RASEF: variants seen among roughly 807,000 people sequenced by gnomAD.
RASEF encodes RAS and EF-hand domain containing.
RASEF carries 68 observed loss-of-function variants against 90.1 expected under a neutral mutation model. The observed-to-expected ratio is 0.75, with a 90% CI of 0.62 to 0.92. The LOEUF is 0.92. Ranked by LOEUF, RASEF falls within the 40% of genes least tolerant of loss-of-function variation. The pLI, the probability that RASEF is intolerant of heterozygous loss-of-function variation, is 0.00. For missense variants in RASEF, 949 were observed against 937.2 expected (o/e 1.01, Z -0.16); for synonymous variants, 331 against 345.2 (o/e 0.96, Z 0.46).
chr9:83,148,236 A>G, the RASEF span, among the ~76,000 whole-genome samples: 2 of 152,170 alleles, frequency 1.3e-5, no homozygotes, highest in South Asian at 4.1e-4. Context: ...ATGTCTAATC[A>G]GATATTAAAA....
At chr9:83,203,729 G>C in the RASEF span, among the ~76,000 whole-genome samples, 1 of 152,122 alleles carries the variant, frequency 6.6e-6, no homozygotes, top group Non-Finnish European at 1.5e-5. Flanking sequence ...TATCACTTAA[G>C]TAAGTGAGGA....
In RASEF at chr9:82,979,672, C is replaced by T. The variant is rs559685861; in HGVS notation, c.*3005G>A. The T allele has an allele frequency of 4.6e-5, 7 of 152,228 alleles. No individual in the cohort carries two copies. The highest frequency in any genetic ancestry group is 2.0e-4 in the Admixed American group (3 of 15,294). The allele number at this position is 152,228 out of a possible 1,614,324, so 9.4% of individuals were successfully genotyped here. On this transcript the variant is annotated 3_prime_UTR_variant, in exon 17 of 17. Transcript: ENST00000376447. ...GACATTTGCATTGCTATAAAAATTA[C>T]ACTTTATGGTATAATTATTAAGGTT...
chr9:83,142,755 G>C, the RASEF span, among the ~76,000 whole-genome samples: 3 of 152,062 alleles, frequency 2.0e-5, no homozygotes, highest in Non-Finnish European at 2.9e-5. Context: ...GAGAAATCAG[G>C]TATCTCTATT....
chr9:83,017,735 A>G (rs1177217494), intron 3 of RASEF, among the ~76,000 whole-genome samples: 2 of 152,248 alleles, frequency 1.3e-5, no homozygotes, highest in Admixed American at 1.3e-4. Context: ...ACGCCAAAAT[A>G]AGACAAAAGC....
chr9:83,190,935 C>T, the RASEF span, among the ~76,000 whole-genome samples: 15 of 152,256 alleles, frequency 9.9e-5, no homozygotes, highest in Admixed American at 5.9e-4. Context: ...CTTTTGGAAA[C>T]GCTAGGATTA....
At chr9:83,100,106 A>T in the RASEF span, among the ~76,000 whole-genome samples, 1 of 152,190 alleles carries the variant, frequency 6.6e-6, no homozygotes, top group Admixed American at 6.5e-5. Context: ...TTTGAGTGAA[A>T]ACAGACTAAG....
the RASEF span, among the ~76,000 whole-genome samples, chr9:83,211,997 G>A: frequency 1.4e-4 from 22 of 152,086 alleles, no homozygotes; most frequent in Admixed American, 1.4e-3. Flanking sequence ...CCAGAAACTA[G>A]TACTTGAATT....
the RASEF span, among the ~76,000 whole-genome samples, chr9:83,086,277 A>T: frequency 3.9e-5 from 6 of 152,076 alleles, no homozygotes; most frequent in South Asian, 8.3e-4. Context: ...TCGTAGATTC[A>T]TTTTTTTTAT....
the RASEF span, among the ~76,000 whole-genome samples, chr9:83,070,684 A>G: frequency 3.9e-5 from 6 of 152,278 alleles, no homozygotes; most frequent in East Asian, 5.8e-4. Flanking sequence ...TTCTGTAGAT[A>G]TCATGATTGT....
At chr9:83,086,323 A>G in the RASEF span, among the ~76,000 whole-genome samples, 1 of 152,206 alleles carries the variant, frequency 6.6e-6, no homozygotes, top group African/African-American at 2.4e-5. Context: ...CATATTTGTT[A>G]AAATAAATAT....
chr9:83,121,250 C>T, the RASEF span, among the ~76,000 whole-genome samples: 2 of 152,018 alleles, frequency 1.3e-5, no homozygotes, highest in African/African-American at 4.8e-5. Flanking sequence ...TAATAATACA[C>T]ACGTAAGTAT....
intron 1 of RASEF, among the ~76,000 whole-genome samples, chr9:83,030,998 C>T (rs1010174791): frequency 2.6e-5 from 4 of 152,142 alleles, no homozygotes; most frequent in Admixed American, 6.6e-5. Flanking sequence ...GGCTAAGCCT[C>T]GTGATAGAAT....
rs188744531 is a variant in RASEF at position 83,022,824 on chromosome 9, T to A, written c.579-398A>T. Among the ~76,000 whole-genome samples the A allele has an allele frequency of 2.0e-3, 310 of 152,280 alleles. 1 individual carries two copies. Among genetic ancestry groups the A allele is most frequent in the Non-Finnish European group, 3.0e-3 (201 of 68,020 alleles). The stretch of plus-strand genomic sequence containing the variant: ...AACAGCATGGGACTGTACTGAATAC[T>A]GGAAGTAACTGTAACACAATGGTAT... On this transcript the variant is annotated intron_variant, in intron 2 of 16. Transcript: ENST00000376447.
intron 1 of RASEF, among the ~76,000 whole-genome samples, chr9:83,058,060 C>T (rs1830132268): frequency 6.6e-6 from 1 of 150,622 alleles, no homozygotes. Context: ...GTCTCTCTTC[C>T]TTTCCCCTCC....
chr9:83,061,854 A>C (rs904025645), intron 1 of RASEF, among the ~76,000 whole-genome samples: 1 of 152,250 alleles, frequency 6.6e-6, no homozygotes, highest in African/African-American at 2.4e-5. Context: ...TTCTAGGTCT[A>C]AGTTCAGAAA....
chr9:83,065,822 C>T (rs1423949092), upstream of RASEF, among the ~76,000 whole-genome samples: 8 of 152,156 alleles, frequency 5.3e-5, no homozygotes, highest in African/African-American at 1.2e-4. Flanking sequence ...GGACATTTGG[C>T]AGTGTCTGAT....
chr9:83,024,076 T>G (rs1829493542), intron 2 of RASEF, among the ~76,000 whole-genome samples: 1 of 152,164 alleles, frequency 6.6e-6, no homozygotes, highest in African/African-American at 2.4e-5. Context: ...CAATTAAAAA[T>G]AGCAGTGAGG....
At chr9:83,032,162 G>A (rs1277099884) in intron 1 of RASEF, among the ~76,000 whole-genome samples, 1 of 152,040 alleles carries the variant, frequency 6.6e-6, no homozygotes, top group Non-Finnish European at 1.5e-5. Context: ...CCTCACAAGA[G>A]TGTAGTAGTT....
At chr9:83,029,299 C>T in intron 1 of RASEF, among the ~76,000 whole-genome samples, 1 of 152,014 alleles carries the variant, frequency 6.6e-6, no homozygotes, top group East Asian at 1.9e-4. Flanking sequence ...CAAGGAAACA[C>T]TGAAAAACGT....
Sources: gnomAD v4.1 joint callset for allele counts (sites outside exome capture counted in the v4.1 genomes callset) on GRCh38, gnomAD v4.1.1 for gene constraint, MANE v1.5 for transcripts, NCBI Gene and HGNC (gene_info 2026-07-23, HGNC 2026-07-21) for gene names.